RANBP17: variants seen among roughly 807,000 people sequenced by gnomAD.
RANBP17 encodes the protein ran-binding protein 17.
A neutral mutation model predicts 141.2 loss-of-function variants in RANBP17; 158 were observed. The ratio of observed to expected loss-of-function variants is 1.12; its 90% CI spans 0.98 to 1.28. The LOEUF (loss-of-function observed/expected upper bound fraction) is 1.28, where lower values mean the gene tolerates loss of function less well. Among genes scored for constraint, RANBP17 ranks in the 50% most tolerant of loss-of-function variants. The pLI, the probability that RANBP17 is intolerant of heterozygous loss-of-function variation, is 0.00. For missense variants in RANBP17, 1,438 were observed against 1,290.7 expected (o/e 1.11, Z -1.75); for synonymous variants, 430 against 450.0 (o/e 0.96, Z 0.56).
rs540226086 is a variant in RANBP17, at chr5:170,906,235, A to T, written c.490-3426A>T. ...CTAGCAGAAGAACCAGTTTAGGATT[A>T]TATATCACATTTAGTTCTTATGTTT... On this transcript the variant is annotated intron_variant, in intron 5 of 27. Coordinates refer to ENST00000523189, the MANE Select transcript of RANBP17 (RefSeq NM_022897.5). Among the ~76,000 whole-genome samples the T allele has an allele frequency of 3.3e-5, 5 of 152,200 alleles. No homozygotes were observed. In the East Asian group the frequency reaches 9.6e-4, roughly 29 times the overall value.
At chr5:170,985,388 C>A (rs1388735964) in intron 14 of RANBP17, among the ~76,000 whole-genome samples, 1 of 152,158 alleles carries the variant, frequency 6.6e-6, no homozygotes, top group African/African-American at 2.4e-5. Flanking sequence ...TGATACTGAT[C>A]AAGCATAGTA....
At chr5:171,198,790 A>G (rs1183096990) in intron 18 of RANBP17, among the ~76,000 whole-genome samples, 1 of 152,172 alleles carries the variant, frequency 6.6e-6, no homozygotes, top group Non-Finnish European at 1.5e-5. Flanking sequence ...ATGTCGTTCC[A>G]CCTCCAACTA....
At chr5:171,101,920 C>T (rs1244060057) in intron 14 of RANBP17, among the ~76,000 whole-genome samples, 2 of 152,140 alleles carry the variant, frequency 1.3e-5, no homozygotes, top group African/African-American at 2.4e-5. Flanking sequence ...TGAATGTTGG[C>T]CCCCACTCTC....
At chr5:171,004,989 G>A (rs568537785) in intron 14 of RANBP17, among the ~76,000 whole-genome samples, 8 of 152,240 alleles carry the variant, frequency 5.3e-5, no homozygotes, top group Admixed American at 5.2e-4. Flanking sequence ...ATACGTTGCT[G>A]TCTGGCTACC....
At chr5:171,097,730 G>A (rs1786806406) in intron 14 of RANBP17, among the ~76,000 whole-genome samples, 1 of 151,308 alleles carries the variant, frequency 6.6e-6, no homozygotes, top group Non-Finnish European at 1.5e-5. Flanking sequence ...GTGGTTTGCT[G>A]CACCCATCAA....
chr5:170,883,306 T>C (rs1344471825), intron 3 of RANBP17, among the ~76,000 whole-genome samples: 2 of 152,182 alleles, frequency 1.3e-5, no homozygotes, highest in Non-Finnish European at 2.9e-5. Flanking sequence ...CAGTTTTGGG[T>C]TCACAGCAAA....
Position 170,908,095 on chromosome 5 carries a change from A to G in RANBP17, c.490-1566A>G, listed in dbSNP as rs571883856. On this transcript the variant is annotated intron_variant, in intron 5 of 27. Transcript: ENST00000523189. ...GGTGGGAATGTAAATTAGTTCAGCC[A>G]CTGTGGAAAGTAGTTTGGAGATTTC... Among the ~76,000 whole-genome samples, 253 of 152,144 alleles carry G rather than the reference A, an allele frequency of 1.7e-3. 1 individual carries two copies. The highest frequency in any genetic ancestry group is 5.9e-3 in the African/African-American group (246 of 41,552).
chr5:171,238,811 G>T (rs1161691377), intron 22 of RANBP17, among the ~76,000 whole-genome samples: 2 of 152,108 alleles, frequency 1.3e-5, no homozygotes, highest in Non-Finnish European at 2.9e-5. Flanking sequence ...AGTCCATGTG[G>T]CAACTTCAAT....
chr5:170,864,794 G>C (rs10076357), intron 1 of RANBP17, among the ~76,000 whole-genome samples: 89,689 of 151,978 alleles, frequency 0.59, 28,077 homozygotes, highest in South Asian at 0.81. Context: ...ATTTGATCTA[G>C]ATGTGATTGA....
At chr5:171,225,317 CCAGTGACTTTGA>C (rs1212849108) in intron 22 of RANBP17, among the ~76,000 whole-genome samples, 1 of 152,224 alleles carries the variant, frequency 6.6e-6, no homozygotes. Context: ...AACTGGGTCA[CCAGTGACTTTGA>C]CAGTGACTTT....
At chr5:171,018,688 C>G (rs562188863) in intron 14 of RANBP17, among the ~76,000 whole-genome samples, 100 of 152,268 alleles carry the variant, frequency 6.6e-4, no homozygotes, top group Non-Finnish European at 1.2e-3. Flanking sequence ...AATATAAAAT[C>G]ATGTCATCTG....
At chr5:171,095,905 A>G (rs1182930855) in intron 14 of RANBP17, among the ~76,000 whole-genome samples, 1 of 152,178 alleles carries the variant, frequency 6.6e-6, no homozygotes, top group Non-Finnish European at 1.5e-5. Context: ...TATTTGTACT[A>G]TGTATGCCCT....
intron 24 of RANBP17, chr5:171,251,881 GAGA>G (rs1765590725): frequency 6.7e-7 from 1 of 1,498,096 alleles, no homozygotes; most frequent in South Asian, 1.1e-5. Context: ...TTCGGCATTA[GAGA>G]AGGAGATTGG....
At chr5:171,124,005 T>G (rs1383749757) in intron 14 of RANBP17, among the ~76,000 whole-genome samples, 1 of 152,116 alleles carries the variant, frequency 6.6e-6, no homozygotes, top group African/African-American at 2.4e-5. Flanking sequence ...AGGAGCACAT[T>G]AATTCTCTAA....
At chr5:171,193,156 T>G (rs1251294822) in intron 18 of RANBP17, among the ~76,000 whole-genome samples, 1 of 152,188 alleles carries the variant, frequency 6.6e-6, no homozygotes, top group East Asian at 1.9e-4. Flanking sequence ...TAATTTTCCT[T>G]AGTTTGGACC....
chr5:171,174,962 C>T (rs936759174), intron 16 of RANBP17, among the ~76,000 whole-genome samples: 6 of 151,988 alleles, frequency 3.9e-5, no homozygotes, highest in Non-Finnish European at 7.4e-5. Flanking sequence ...CCCTTCACCC[C>T]CCTACAGGCC....
At chr5:171,232,879 G>C (rs1311400719) in intron 22 of RANBP17, among the ~76,000 whole-genome samples, 3 of 152,102 alleles carry the variant, frequency 2.0e-5, no homozygotes, top group African/African-American at 7.2e-5. Flanking sequence ...GCCTTTAGCT[G>C]AACATCTGCT....
intron 14 of RANBP17, among the ~76,000 whole-genome samples, chr5:171,129,662 C>T (rs923830111): frequency 6.6e-6 from 1 of 152,130 alleles, no homozygotes; most frequent in Admixed American, 6.5e-5. Context: ...AGCAATTCTG[C>T]GAAATTATGT....
intron 14 of RANBP17, among the ~76,000 whole-genome samples, chr5:171,017,375 G>A (rs923999887): frequency 3.9e-5 from 6 of 152,248 alleles, no homozygotes; most frequent in Admixed American, 2.0e-4. Flanking sequence ...CACCAACAGC[G>A]TAAAAGCATT....
Sources: gnomAD v4.1 joint callset for allele counts (sites outside exome capture counted in the v4.1 genomes callset) on GRCh38, gnomAD v4.1.1 for gene constraint, MANE v1.5 for transcripts, NCBI Gene and HGNC (gene_info 2026-07-23, HGNC 2026-07-21) for gene names.